The following ADAM12 variants were observed in gnomAD, a reference collection of about 807,000 sequenced individuals.
ADAM12 encodes the protein disintegrin and metalloproteinase domain-containing protein 12.
ADAM12 carries 70 observed loss-of-function variants against 106.4 expected under a neutral mutation model. The observed-to-expected ratio is 0.66, with a 90% CI of 0.54 to 0.80. The LOEUF is 0.80. Ranked by LOEUF, ADAM12 falls within the 30% of genes least tolerant of loss-of-function variation. ADAM12 has a pLI of 0.00. For synonymous variants in ADAM12, 420 were observed against 433.5 expected (o/e 0.97, Z 0.39); for missense variants, 1,010 against 1,171.9 (o/e 0.86, Z 2.02).
chr10:126,113,772 G>A (rs567725498), intron 6 of ADAM12, among the ~76,000 whole-genome samples: 2 of 127,404 alleles, frequency 1.6e-5, no homozygotes, highest in Non-Finnish European at 3.1e-5. Context: ...CGGATTCTAG[G>A]GAGATGATAT....
intron 3 of ADAM12, among the ~76,000 whole-genome samples, chr10:126,227,861 T>C (rs569257002): frequency 6.6e-6 from 1 of 151,306 alleles, no homozygotes; most frequent in East Asian, 1.9e-4. Flanking sequence ...GAGCTGGGAG[T>C]GGAGAGGACA....
chr10:126,126,734 G>C (rs1956212520), intron 5 of ADAM12, among the ~76,000 whole-genome samples: 1 of 151,992 alleles, frequency 6.6e-6, no homozygotes, highest in Non-Finnish European at 1.5e-5. Flanking sequence ...CTAAGAGGGG[G>C]GTTGAACAAG....
intron 3 of ADAM12, among the ~76,000 whole-genome samples, chr10:126,187,381 T>C (rs1957419135): frequency 6.6e-6 from 1 of 152,034 alleles, no homozygotes; most frequent in East Asian, 1.9e-4. Flanking sequence ...TTTTTGCTGC[T>C]GGGGGCATTT....
At chr10:126,060,339 A>G (rs1278272) in intron 14 of ADAM12, among the ~76,000 whole-genome samples, 24,574 of 152,174 alleles carry the variant, frequency 0.16, 2,203 homozygotes, top group Middle Eastern at 0.3. Context: ...TCGTCCAGTC[A>G]GTGTTTGGGT....
intron 5 of ADAM12, among the ~76,000 whole-genome samples, chr10:126,130,010 G>T (rs1419032772): frequency 1.3e-5 from 2 of 152,142 alleles, no homozygotes; most frequent in Non-Finnish European, 2.9e-5. Context: ...AATGTGGGAT[G>T]TTCTTTCGCT....
At chr10:126,017,461 CT>C in intron 22 of ADAM12, 122 bp from the exon 23 acceptor site, 1 of 862,674 alleles carries the variant, frequency 1.2e-6, no homozygotes, top group South Asian at 2.1e-5. Flanking sequence ...TCAGATACCA[CT>C]GCCCCTCATA....
intron 11 of ADAM12, among the ~76,000 whole-genome samples, chr10:126,073,357 G>C (rs1232753706): frequency 6.6e-6 from 1 of 152,144 alleles, no homozygotes; most frequent in East Asian, 1.9e-4. Flanking sequence ...CAAAGTGCTG[G>C]GATTATAGGC....
chr10:126,236,647 C>T (rs1176573783), intron 3 of ADAM12, among the ~76,000 whole-genome samples: 2 of 151,818 alleles, frequency 1.3e-5, no homozygotes, highest in Non-Finnish European at 2.9e-5. Flanking sequence ...CAGGAAGGAA[C>T]ACCCATAGGA....
intron 17 of ADAM12, 63 bp downstream of exon 17, chr10:126,045,992 A>G: frequency 7.0e-7 from 1 of 1,435,464 alleles, no homozygotes; most frequent in Middle Eastern, 1.8e-4. Context: ...CCTTTTACAA[A>G]TGAATGTATT....
intron 10 of ADAM12, among the ~76,000 whole-genome samples, chr10:126,096,316 G>A (rs556982773): frequency 1.3e-5 from 2 of 152,232 alleles, no homozygotes; most frequent in South Asian, 2.1e-4. Context: ...ATTCTTTCAT[G>A]CATCAATGAT....
At chr10:126,326,443 C>T (rs1054957938) in intron 2 of ADAM12, among the ~76,000 whole-genome samples, 3 of 151,984 alleles carry the variant, frequency 2.0e-5, no homozygotes, top group Admixed American at 2.0e-4. Flanking sequence ...GTAGCCAGGG[C>T]CAAAACACAG....
At chr10:126,169,894 C>T (rs1957088528) in intron 3 of ADAM12, among the ~76,000 whole-genome samples, 1 of 152,244 alleles carries the variant, frequency 6.6e-6, no homozygotes, top group Admixed American at 6.5e-5. Flanking sequence ...CCTCCTCACA[C>T]CAGCTGGTAT....
At chr10:126,036,557 G>A (rs1005068475) in intron 20 of ADAM12, among the ~76,000 whole-genome samples, 5 of 152,120 alleles carry the variant, frequency 3.3e-5, no homozygotes, top group South Asian at 4.2e-4. Context: ...TAGAAGGATC[G>A]ATTTTTGTTT....
chr10:126,253,434 T>C (rs1958825222), intron 3 of ADAM12, among the ~76,000 whole-genome samples: 1 of 152,214 alleles, frequency 6.6e-6, no homozygotes, highest in Non-Finnish European at 1.5e-5. Flanking sequence ...TATCATTCTC[T>C]TGTTCTCCAG....
At chr10:126,032,676 T>A (rs1363066139) in intron 21 of ADAM12, among the ~76,000 whole-genome samples, 1 of 152,178 alleles carries the variant, frequency 6.6e-6, no homozygotes, top group African/African-American at 2.4e-5. Flanking sequence ...GCTTCTCTGC[T>A]CTTTGGCTAC....
In ADAM12 at chr10:126,274,515, T is replaced by C. The variant is rs117666274; in HGVS notation, c.260+4400A>G. Among the ~76,000 whole-genome samples, 1,220 of 152,330 alleles carry C rather than the reference T, an allele frequency of 8.0e-3. 7 individuals are homozygous for C. The highest frequency in any genetic ancestry group is 0.024 in the Middle Eastern group (7 of 294). On this transcript the variant is annotated intron_variant, in intron 3 of 22. Transcript: ENST00000448723. The stretch of plus-strand genomic sequence containing the variant: ...GCACAGGATTTTACATTTATCCCCA[T>C]TAAATCTCACCTTGTTAGTTTTGGC...
chr10:126,212,976 T>G (rs1477312814), intron 3 of ADAM12, among the ~76,000 whole-genome samples: 1 of 151,706 alleles, frequency 6.6e-6, no homozygotes, highest in Non-Finnish European at 1.5e-5. Context: ...TTTGGTGGTT[T>G]TTACTACATT....
chr10:126,085,032 G>T (rs1200289653), intron 11 of ADAM12, among the ~76,000 whole-genome samples: 1 of 152,212 alleles, frequency 6.6e-6, no homozygotes, highest in Non-Finnish European at 1.5e-5. Flanking sequence ...GCTCACAACT[G>T]CTTTTAGATT....
At position 126,101,148 on chromosome 10, in the gene ADAM12, T is replaced by C; in HGVS notation, c.835A>G (p.Ser279Gly). The C allele has an allele frequency of 6.2e-7, 1 of 1,614,128 alleles. No homozygotes were observed. Among genetic ancestry groups the C allele is most frequent in the Non-Finnish European group, 8.5e-7 (1 of 1,179,986 alleles). Residue 279 changes from serine to glycine, a missense_variant, in exon 9 of 23, where the codon AGC becomes GGC. Around this residue, in one of 3 missense-constraint regions of ADAM12, gnomAD observed 391 missense variants for 442.9 expected, o/e 0.88. Transcript: ENST00000448723. ...KCSVSQDPFT[S>G]LHEFLDWRKM... ...CTCCAGTCCAGAAATTCATGGAGGCTGGTGAATGGGTCCTGACTTACAGAG... is the reference window on the plus strand; with the variant it reads ...CTCCAGTCCAGAAATTCATGGAGGCCGGTGAATGGGTCCTGACTTACAGAG...
Sources: allele counts gnomAD v4.1 joint callset (sites outside exome capture counted in the v4.1 genomes callset), GRCh38; gene constraint gnomAD v4.1.1; regional missense constraint gnomAD v4.1.1; transcripts MANE v1.5; gene names NCBI Gene and HGNC (gene_info 2026-07-23, HGNC 2026-07-21).